The following ARSF variants were observed in gnomAD, a reference collection of about 807,000 sequenced individuals.
ARSF encodes arylsulfatase F.
In ARSF, 33 loss-of-function variants were observed where a neutral mutation model predicts 35.4. The observed-to-expected ratio is 0.93, with a 90% CI of 0.71 to 1.25. ARSF has a LOEUF of 1.25. Among genes scored for constraint, ARSF ranks in the 50% most tolerant of loss-of-function variants. ARSF has a pLI of 0.00. For synonymous variants in ARSF, 222 were observed against 193.1 expected (o/e 1.15, Z -1.24); for missense variants, 501 against 480.2 (o/e 1.04, Z -0.40).
intron 1 of ARSF, among the ~76,000 whole-genome samples, chrX:3,050,216 A>G (rs1171535509): frequency 8.9e-6 from 1 of 111,747 alleles, no homozygotes; most frequent in Non-Finnish European, 1.9e-5. Context: ...GCCCCATGCC[A>G]GTTTTCTTCA....
chrX:3,058,428 C>A, intron 1 of ARSF: 1 of 216,310 alleles, frequency 4.6e-6, no homozygotes, highest in Non-Finnish European at 8.9e-6. Flanking sequence ...CAGCCTAGCG[C>A]ACCATAGCCC....
intron 7 of ARSF, among the ~76,000 whole-genome samples, chrX:3,097,291 A>G (rs1256799375): frequency 8.9e-6 from 1 of 112,127 alleles, no homozygotes; most frequent in Admixed American, 9.5e-5. Flanking sequence ...GTTAAACAGT[A>G]AATTTACATC....
At chrX:3,049,404 G>A (rs1288501440) in intron 1 of ARSF, among the ~76,000 whole-genome samples, 2 of 111,670 alleles carry the variant, frequency 1.8e-5, no homozygotes, top group South Asian at 3.8e-4. Flanking sequence ...GCAAGTTTGC[G>A]TAAACAATAG....
chrX:3,089,447 A>T, intron 6 of ARSF, 49 bp from the exon 7 acceptor site: 1 of 1,182,788 alleles, frequency 8.5e-7, no homozygotes, highest in Non-Finnish European at 1.1e-6. Context: ...TAGTTTTCAC[A>T]TTCATAGATA....
chrX:3,066,899 A>G (rs1390818348), intron 1 of ARSF: 2 of 87,599 alleles, frequency 2.3e-5, no homozygotes, highest in Non-Finnish European at 4.3e-5. Context: ...TTGTTTGGAC[A>G]CATTTTCTCA....
chrX:3,111,305 G>A lies in ARSF; in HGVS notation c.1391-869G>A, dbSNP rs1240634469. On this transcript the variant is annotated intron_variant, in intron 10 of 10. Coordinates refer to ENST00000381127, the MANE Select transcript of ARSF (RefSeq NM_001201539.2). Reference sequence around the variant, plus strand: ...AAGTGTTAGAAGAAAATGAGTTTATGACCCAGAAATTGGAAGTTTTTTAAA... The same window carrying A: ...AAGTGTTAGAAGAAAATGAGTTTATAACCCAGAAATTGGAAGTTTTTTAAA... 4.5e-5 allele frequency among the ~76,000 whole-genome samples: 5 copies of A among 111,803 alleles called. No homozygotes were observed. In the East Asian group the frequency reaches 1.4e-3, roughly 31 times the overall value.
chrX:3,079,969 AC>A (rs2090185869), intron 4 of ARSF, among the ~76,000 whole-genome samples: 1 of 94,253 alleles, frequency 1.1e-5, no homozygotes. Flanking sequence ...AACAACAACA[AC>A]AAAAAAAAAA....
rs1180402231 is a variant in ARSF at position 3,061,647 on chromosome X, C to G, written c.-28-6426C>G. 4.5e-5 allele frequency among the ~76,000 whole-genome samples: 5 copies of G among 110,953 alleles called. No individual in the cohort carries two copies. The South Asian group carries it at 1.2e-3, about 26-fold the overall frequency. Reference sequence around the variant, plus strand: ...GAAAGCAAAAAAAAAGCAGAGGTTACAATCCTAGTCTCTGATAAAACAGAC... The same window carrying G: ...GAAAGCAAAAAAAAAGCAGAGGTTAGAATCCTAGTCTCTGATAAAACAGAC... On this transcript the variant is annotated intron_variant, in intron 1 of 10. Transcript: ENST00000381127.
intron 1 of ARSF, among the ~76,000 whole-genome samples, chrX:3,064,750 G>A (rs1185603523): frequency 4.5e-5 from 5 of 111,727 alleles, no homozygotes; most frequent in South Asian, 3.8e-4. Context: ...AAACCACACT[G>A]AGATACCATC....
chrX:3,102,131 A>G (rs1179232503), intron 8 of ARSF, among the ~76,000 whole-genome samples: 3 of 111,210 alleles, frequency 2.7e-5, no homozygotes, highest in Non-Finnish European at 5.7e-5. Flanking sequence ...TAGACATTCT[A>G]TTTTAAAAAA....
At position 3,101,107 on chromosome X, in the gene ARSF, G is replaced by A. The variant is rs746645956; in HGVS notation, c.988G>A (p.Asp330Asn). The change falls in exon 8 of 11, where the codon GAT becomes AAT. Residue 330 changes from aspartate to asparagine, a missense_variant. Coordinates refer to ENST00000381127, the MANE Select transcript of ARSF (RefSeq NM_001201539.2). ...SMVGKILDAI[D>N]DFGLRNNTLV... Reference sequence around the variant, plus strand: ...TTTAGGCAAGATTCTTGATGCTATCGATGATTTTGGCCTAAGGAACAACAC... The same window carrying A: ...TTTAGGCAAGATTCTTGATGCTATCAATGATTTTGGCCTAAGGAACAACAC... The A allele has an allele frequency of 7.5e-6, 9 of 1,206,493 alleles. No homozygotes were observed. The highest frequency in any genetic ancestry group is 5.3e-5 in the South Asian group (3 of 56,250).
At chrX:3,096,679 C>T (rs759965836) in intron 7 of ARSF, among the ~76,000 whole-genome samples, 1 of 111,672 alleles carries the variant, frequency 9.0e-6, no homozygotes, top group African/African-American at 3.3e-5. Flanking sequence ...ACTTTTAGAT[C>T]AATGAAGCAG....
In ARSF at chrX:3,068,093, G is replaced by T; in HGVS notation, c.-8G>T. 1.7e-6 allele frequency: 2 copies of T among 1,200,124 alleles called. No homozygotes were observed. Among genetic ancestry groups the T allele is most frequent in the Non-Finnish European group, 1.1e-6 (1 of 890,411 alleles). On this transcript the variant is annotated 5_prime_UTR_variant, in exon 2 of 11. Coordinates refer to ENST00000381127, the MANE Select transcript of ARSF (RefSeq NM_001201539.2). Reference sequence around the variant, plus strand: ...CAAAGACAACAAGAAGGTATTCCAAGCTGCACAATGAGGCCCAGGTAGGTA... The same window carrying T: ...CAAAGACAACAAGAAGGTATTCCAATCTGCACAATGAGGCCCAGGTAGGTA...
At position 3,101,151 on chromosome X, in the gene ARSF, A is replaced by C; in HGVS notation, c.1032A>C (p.Ser344=). The change falls in exon 8 of 11, where the codon TCA becomes TCC. Residue 344 remains serine (S), a synonymous_variant. Transcript: ENST00000381127. ...LRNNTLVYFT[S]DHGGHLEARR... is the part of the protein sequence containing the mutation. ...ACAACACCCTTGTCTACTTTACATC[A>C]GATCACGGAGGGCATTTGGAAGCTA... is the stretch of plus-strand genomic sequence containing the variant. The C allele has an allele frequency of 1.7e-6, 2 of 1,211,096 alleles. No homozygotes were observed. Among genetic ancestry groups the C allele is most frequent in the Non-Finnish European group, 2.2e-6 (2 of 895,073 alleles).
chrX:3,080,604 G>A (rs920580513), intron 4 of ARSF, among the ~76,000 whole-genome samples: 1 of 111,592 alleles, frequency 9.0e-6, no homozygotes, highest in African/African-American at 3.3e-5. Flanking sequence ...ATCAAGGCAT[G>A]CCAGATTCAG....
chrX:3,098,284 G>A (rs969249524), intron 7 of ARSF, among the ~76,000 whole-genome samples: 10 of 110,146 alleles, frequency 9.1e-5, no homozygotes, highest in Non-Finnish European at 1.9e-5. Context: ...TTTTTAACAC[G>A]AAGATTTTCC....
At chrX:3,097,199 C>A (rs2090343524) in intron 7 of ARSF, among the ~76,000 whole-genome samples, 2 of 112,088 alleles carry the variant, frequency 1.8e-5, no homozygotes, top group Non-Finnish European at 3.8e-5. Flanking sequence ...TTAGGAAAAA[C>A]CATTACCAAT....
intron 1 of ARSF, chrX:3,058,444 T>G (rs2090027789): frequency 8.6e-6 from 2 of 231,747 alleles, no homozygotes; most frequent in Non-Finnish European, 1.7e-5. Flanking sequence ...AGCCCAGAAC[T>G]TCTGGGCCGA....
chrX:3,051,492 T>C (rs190164936), intron 1 of ARSF, among the ~76,000 whole-genome samples: 7 of 112,177 alleles, frequency 6.2e-5, no homozygotes. Context: ...AGTTCCGTGA[T>C]GAAACGTAAA....
Sources: allele counts gnomAD v4.1 joint callset (sites outside exome capture counted in the v4.1 genomes callset), GRCh38; gene constraint gnomAD v4.1.1; transcripts MANE v1.5; gene names NCBI Gene and HGNC (gene_info 2026-07-23, HGNC 2026-07-21).